The following RASL10B variants were observed in gnomAD, a reference collection of about 807,000 sequenced individuals.
The protein encoded by RASL10B is ras-like protein family member 10B.
RASL10B carries 10 observed loss-of-function variants against 20.7 expected under a neutral mutation model. The ratio of observed to expected loss-of-function variants is 0.48; its 90% CI spans 0.30 to 0.82. RASL10B has a LOEUF of 0.82. RASL10B is among the 40% of genes least tolerant of loss of function. The pLI, the probability that RASL10B is intolerant of heterozygous loss-of-function variation, is 0.07. For missense variants in RASL10B, 231 were observed against 295.4 expected, an observed-to-expected ratio of 0.78 and a Z score of 1.60; for synonymous variants, 110 against 123.3, an observed-to-expected ratio of 0.89 and a Z score of 0.72.
At chr17:35,734,896 T>C in intron 1 of RASL10B, 142 bp from the exon 2 acceptor site, 1 of 504,172 alleles carries the variant, frequency 2.0e-6, no homozygotes, top group Non-Finnish European at 3.6e-6. Context: ...GGAGAGGTTT[T>C]GGAAAGGCAG....
Position 35,742,996 on chromosome 17 carries a change from C to G in RASL10B, c.*1691C>G, listed in dbSNP as rs145994388. ...GGGGGTAGCACAGCCTCACAGCAAC[C>G]GCCCTGACCTTGGGCAGTCTAGTGT... On this transcript the variant is annotated 3_prime_UTR_variant, in exon 4 of 4. Transcript: ENST00000603017. 6.6e-6 allele frequency: 1 copy of G among 152,656 alleles called. No individual in the cohort carries two copies. The highest frequency in any genetic ancestry group is 1.5e-5 in the Non-Finnish European group (1 of 68,064). The allele number at this position is 152,656 out of a possible 1,614,324, so 9.5% of individuals were successfully genotyped here. A position where few individuals can be genotyped will look rare whatever the true frequency, so the allele number is the denominator to read the frequency against.
chr17:35,736,990 G>A (rs2085597419), intron 2 of RASL10B: 1 of 152,212 alleles, frequency 6.6e-6, no homozygotes, highest in African/African-American at 2.4e-5. Context: ...CTGACCTCAA[G>A]TGATCCGCCT....
intron 2 of RASL10B, chr17:35,737,091 G>A (rs1389298802): frequency 6.6e-6 from 1 of 152,152 alleles, no homozygotes; most frequent in African/African-American, 2.4e-5. Context: ...ACCCAAGTAA[G>A]AAAATGCATT....
rs2085643857 is a variant in RASL10B, at chr17:35,743,486, A to G, written c.*2181A>G. On this transcript the variant is annotated 3_prime_UTR_variant, in exon 4 of 4. Transcript: ENST00000603017. The stretch of plus-strand genomic sequence containing the variant: ...CCATTGAGCTGTTACCCGAAGTCAG[A>G]TTAAAAATCAGGGAGTGTTTTCCCT... 6.5e-6 allele frequency: 1 copy of G among 152,768 alleles called. No individual in the cohort carries two copies. The highest frequency in any genetic ancestry group is 2.4e-5 in the African/African-American group (1 of 41,456). The allele number at this position is 152,768 out of a possible 1,614,324, so 9.5% of individuals were successfully genotyped here.
At chr17:35,734,960 CA>C (rs1555596870) in intron 1 of RASL10B, 77 bp from the exon 2 acceptor site, 1 of 576,170 alleles carries the variant, frequency 1.7e-6, no homozygotes, top group East Asian at 2.8e-5. Flanking sequence ...ACAGCTTCAG[CA>C]AAGTCCCAAA....
In RASL10B at chr17:35,731,711, G is replaced by C. The variant is rs370586846; in HGVS notation, c.-315G>C. On this transcript the variant is annotated 5_prime_UTR_variant, in exon 1 of 4. Coordinates refer to ENST00000603017, the MANE Select transcript of RASL10B (RefSeq NM_033315.4). ...GAGGTTCCTACCCCCTCGGCGGCCC[G>C]CATCTGCCCCCGCGCGCCCGCCCTG... is the stretch of plus-strand genomic sequence containing the variant. 5.9e-5 allele frequency: 9 copies of C among 152,080 alleles called. No homozygotes were observed. Among genetic ancestry groups the C allele is most frequent in the African/African-American group, 1.9e-4 (8 of 41,428 alleles). The allele number at this position is 152,080 out of a possible 1,614,324, so 9.4% of individuals were successfully genotyped here.
In RASL10B at chr17:35,742,268, G is replaced by A. The variant is rs1227939285; in HGVS notation, c.*963G>A. 2.0e-5 allele frequency: 3 copies of A among 152,320 alleles called. No homozygotes were observed. The highest frequency in any genetic ancestry group is 4.8e-5 in the African/African-American group (2 of 41,366). 9.4% of individuals were successfully genotyped at this position (152,320 alleles called of 1,614,324 possible). The stretch of plus-strand genomic sequence containing the variant: ...TCGTGGGCAGGATGGTGCCCAGAAG[G>A]GGGTTAGGTTGTCCCAGTGAAAATT... On this transcript the variant is annotated 3_prime_UTR_variant, in exon 4 of 4. Transcript: ENST00000603017.
intron 2 of RASL10B, among the ~76,000 whole-genome samples, chr17:35,738,651 C>G (rs2085609882): frequency 6.6e-6 from 1 of 152,154 alleles, no homozygotes; most frequent in South Asian, 2.1e-4. Flanking sequence ...CCCAAGATGG[C>G]CTTTTACAGT....
intron 1 of RASL10B, among the ~76,000 whole-genome samples, chr17:35,734,805 T>C (rs1190546523): frequency 1.3e-5 from 2 of 152,144 alleles, no homozygotes; most frequent in East Asian, 3.9e-4. Flanking sequence ...TGGTTGGAGT[T>C]GGACCTGGAG....
intron 3 of RASL10B, 85 bp downstream of exon 3, chr17:35,740,618 AC>A: frequency 6.8e-7 from 1 of 1,470,344 alleles, no homozygotes; most frequent in African/African-American, 1.4e-5. Context: ...CAGTATAGGG[AC>A]ACAGATAGAG....
At chr17:35,740,627 G>A in intron 3 of RASL10B, 94 bp downstream of exon 3, 1 of 1,395,980 alleles carries the variant, frequency 7.2e-7, no homozygotes. Flanking sequence ...GACACAGATA[G>A]AGGTATATGT....
chr17:35,740,599 A>T (rs1357926275), intron 3 of RASL10B, 66 bp downstream of exon 3: 2 of 1,570,302 alleles, frequency 1.3e-6, no homozygotes, highest in Non-Finnish European at 1.7e-6. Context: ...AGTCCCTGTG[A>T]AAAGGGCACA....
chr17:35,732,710 C>T (rs917187758), intron 1 of RASL10B, among the ~76,000 whole-genome samples: 1 of 152,042 alleles, frequency 6.6e-6, no homozygotes, highest in East Asian at 1.9e-4. Flanking sequence ...GTGTGGTGTC[C>T]GCGACAATCT....
At position 35,741,191 on chromosome 17, in the gene RASL10B, C is replaced by T; in HGVS notation, c.498C>T (p.Ile166=). The change falls in exon 4 of 4, where the codon ATC becomes ATT. Residue 166 remains isoleucine (I), a synonymous_variant. Transcript: ENST00000603017. ...GCTCGGCCAAGTACAACTGGCACAT[C>T]CTGCTGCTCTTCAGCGAGCTGCTCA... ...VECSAKYNWH[I]LLLFSELLKS... 6.2e-7 allele frequency: 1 copy of T among 1,613,260 alleles called. No individual in the cohort carries two copies. The highest frequency in any genetic ancestry group is 1.1e-5 in the South Asian group (1 of 91,084).
At chr17:35,732,388 C>T (rs1477009756) in intron 1 of RASL10B, among the ~76,000 whole-genome samples, 2 of 152,222 alleles carry the variant, frequency 1.3e-5, no homozygotes, top group Non-Finnish European at 1.5e-5. Flanking sequence ...TCTGCAGACT[C>T]ACTGCAGAGC....
In RASL10B at chr17:35,741,697, G is replaced by T; in HGVS notation, c.*392G>T. 1 of 200,978 alleles carries T rather than the reference G, an allele frequency of 5.0e-6. No individual in the cohort carries two copies. The highest frequency in any genetic ancestry group is 1.2e-4 in the East Asian group (1 of 8,658). The allele number at this position is 200,978 out of a possible 1,614,324, so 12.4% of individuals were successfully genotyped here. Reference sequence around the variant, plus strand: ...TCTTTGCCTGGTGTCTTCCTTTCCCGTGTCCGCCCACCCCAGCGTCTGTTG... The same window carrying T: ...TCTTTGCCTGGTGTCTTCCTTTCCCTTGTCCGCCCACCCCAGCGTCTGTTG... On this transcript the variant is annotated 3_prime_UTR_variant, in exon 4 of 4. Coordinates refer to ENST00000603017, the MANE Select transcript of RASL10B (RefSeq NM_033315.4).
Position 35,741,228 on chromosome 17 carries a change from T to C in RASL10B, c.535T>C (p.Cys179Arg). 6.2e-7 allele frequency: 1 copy of C among 1,607,820 alleles called. No homozygotes were observed. Among genetic ancestry groups the C allele is most frequent in the Non-Finnish European group, 8.5e-7 (1 of 1,177,438 alleles). Reference sequence around the variant, plus strand: ...CAGCGAGCTGCTCAAGAGCGTCGGCTGCGCCCGTTGCAAGCACGTGCACGC... The same window carrying C: ...CAGCGAGCTGCTCAAGAGCGTCGGCCGCGCCCGTTGCAAGCACGTGCACGC... ...LFSELLKSVG[C>R]ARCKHVHAAL... The change falls in exon 4 of 4, where the codon TGC (cysteine) becomes CGC (arginine). Residue 179 changes from cysteine (C) to arginine (R), a missense_variant. Cys to Arg is a radical substitution (Grantham distance 180, BLOSUM62 -3). Coordinates refer to ENST00000603017, the MANE Select transcript of RASL10B (RefSeq NM_033315.4).
intron 1 of RASL10B, among the ~76,000 whole-genome samples, chr17:35,734,239 T>A (rs1220973504): frequency 6.6e-6 from 1 of 152,140 alleles, no homozygotes; most frequent in Non-Finnish European, 1.5e-5. Flanking sequence ...TGAGTCGAGA[T>A]CATGCCACTG....
In RASL10B at chr17:35,741,904, G is replaced by A. The variant is rs587693622; in HGVS notation, c.*599G>A. The A allele has an allele frequency of 7.9e-5, 12 of 152,658 alleles. No individual in the cohort carries two copies. In the South Asian group the frequency reaches 2.5e-3, roughly 32 times the overall value. 9.5% of individuals were successfully genotyped at this position (152,658 alleles called of 1,614,324 possible). A position where few individuals can be genotyped will look rare whatever the true frequency, so the allele number is the denominator to read the frequency against. On this transcript the variant is annotated 3_prime_UTR_variant, in exon 4 of 4. Coordinates refer to ENST00000603017, the MANE Select transcript of RASL10B (RefSeq NM_033315.4). The stretch of plus-strand genomic sequence containing the variant: ...CCCAAGGACCACGATCAAGGGGTCC[G>A]GGGGACCGAGGTCCCAGATCAGTGA...
Sources: gnomAD v4.1 joint callset for allele counts (sites outside exome capture counted in the v4.1 genomes callset) on GRCh38, gnomAD v4.1.1 for gene constraint, MANE v1.5 for transcripts, NCBI Gene and HGNC (gene_info 2026-07-23, HGNC 2026-07-21) for gene names.